ARHGAP18: variants seen among roughly 807,000 people sequenced by gnomAD.
The protein encoded by ARHGAP18 is Rho GTPase activating protein 18, also known as rho GTPase-activating protein 18.
Under a neutral mutation model 86.2 loss-of-function variants are expected in ARHGAP18, and 67 were observed. That is an observed-to-expected ratio of 0.78 (90% CI 0.64 to 0.95). The LOEUF is 0.95. ARHGAP18 is among the 40% of genes least tolerant of loss of function. ARHGAP18 has a pLI of 0.00. For missense variants in ARHGAP18, 691 were observed against 780.4 expected, an observed-to-expected ratio of 0.89 and a Z score of 1.37; for synonymous variants, 283 against 280.4, an observed-to-expected ratio of 1.01 and a Z score of -0.09.
At chr6:129,582,419 CTG>C (rs377275712) in intron 13 of ARHGAP18, among the ~76,000 whole-genome samples, 123 of 152,262 alleles carry the variant, frequency 8.1e-4, no homozygotes, top group African/African-American at 2.8e-3. Context: ...TGTAAATTAA[CTG>C]TGTCTGGCTG....
intron 5 of ARHGAP18, among the ~76,000 whole-genome samples, chr6:129,621,508 A>T (rs1199630686): frequency 6.6e-6 from 1 of 152,170 alleles, no homozygotes; most frequent in Non-Finnish European, 1.5e-5. Flanking sequence ...GAGTCAGACT[A>T]CAGGTGGCAA....
intron 5 of ARHGAP18, among the ~76,000 whole-genome samples, chr6:129,623,001 C>CAAAAAAA (rs1562694846): frequency 6.5e-5 from 1 of 15,404 alleles, no homozygotes. Context: ...AACTCCATCT[C>CAAAAAAA]AAAACAAAAA....
intron 1 of ARHGAP18, among the ~76,000 whole-genome samples, chr6:129,644,856 G>A (rs1278500377): frequency 6.6e-6 from 1 of 152,142 alleles, no homozygotes; most frequent in Non-Finnish European, 1.5e-5. Context: ...ATCAAGCCTT[G>A]CTTTCAAAAC....
At chr6:129,631,719 T>A (rs550619284) in intron 4 of ARHGAP18, among the ~76,000 whole-genome samples, 102 of 151,612 alleles carry the variant, frequency 6.7e-4, no homozygotes, top group East Asian at 1.9e-3. Flanking sequence ...CCTTAAAAAA[T>A]TTTTTTTAAC....
At chr6:129,683,121 G>T (rs1774354457) in intron 1 of ARHGAP18, among the ~76,000 whole-genome samples, 1 of 150,874 alleles carries the variant, frequency 6.6e-6, no homozygotes, top group Non-Finnish European at 1.5e-5. Flanking sequence ...ACCCAGGCTG[G>T]ACTGCAGTGG....
At chr6:129,630,881 G>A (rs1773190022) in intron 4 of ARHGAP18, among the ~76,000 whole-genome samples, 1 of 152,126 alleles carries the variant, frequency 6.6e-6, no homozygotes, top group African/African-American at 2.4e-5. Flanking sequence ...GAATCTCACA[G>A]TTAAGAAAGT....
At chr6:129,706,619 G>A (rs9375657) in intron 1 of ARHGAP18, among the ~76,000 whole-genome samples, 1 of 152,114 alleles carries the variant, frequency 6.6e-6, no homozygotes, top group African/African-American at 2.4e-5. Context: ...GGGTGCAGTG[G>A]CTCATGCCTG....
intron 14 of ARHGAP18, 142 bp from the exon 15 acceptor site, chr6:129,578,746 T>G (rs1788229905): frequency 1.8e-6 from 1 of 563,934 alleles, no homozygotes; most frequent in African/African-American, 1.9e-5. Flanking sequence ...GGCAGATTGG[T>G]TGAGATCAGG....
chr6:129,688,134 T>C (rs920693166), intron 1 of ARHGAP18, among the ~76,000 whole-genome samples: 1 of 152,172 alleles, frequency 6.6e-6, no homozygotes, highest in Non-Finnish European at 1.5e-5. Context: ...CCTCAACCTC[T>C]CGTTCCAGTC....
intron 1 of ARHGAP18, among the ~76,000 whole-genome samples, chr6:129,695,675 A>T (rs1774603362): frequency 6.6e-6 from 1 of 152,218 alleles, no homozygotes; most frequent in South Asian, 2.1e-4. Context: ...TTAGCAATTC[A>T]GTGATCTGAC....
At chr6:129,685,725 T>G (rs6569621) in intron 1 of ARHGAP18, among the ~76,000 whole-genome samples, 122,266 of 151,774 alleles carry the variant, frequency 0.81, 49,370 homozygotes, top group South Asian at 0.87. Flanking sequence ...TGATAGTTTT[T>G]TCCATATTCA....
At chr6:129,686,221 A>T (rs1774421810) in intron 1 of ARHGAP18, among the ~76,000 whole-genome samples, 1 of 152,112 alleles carries the variant, frequency 6.6e-6, no homozygotes, top group African/African-American at 2.4e-5. Context: ...GTACCAACAT[A>T]GTGTAAAATA....
intron 5 of ARHGAP18, among the ~76,000 whole-genome samples, chr6:129,622,323 C>A (rs1055637313): frequency 6.6e-6 from 1 of 152,096 alleles, no homozygotes; most frequent in Non-Finnish European, 1.5e-5. Flanking sequence ...AATGCTGAAC[C>A]AACCATATTT....
chr6:129,648,474 C>T (rs1562709890), intron 1 of ARHGAP18, among the ~76,000 whole-genome samples: 2 of 149,842 alleles, frequency 1.3e-5, no homozygotes, highest in Non-Finnish European at 3.0e-5. Context: ...AGTGCACTTT[C>T]TAAAATATGG....
intron 7 of ARHGAP18, among the ~76,000 whole-genome samples, chr6:129,615,276 T>C (rs1194979855): frequency 1.3e-5 from 2 of 152,206 alleles, no homozygotes; most frequent in Non-Finnish European, 2.9e-5. Context: ...TAGATACATG[T>C]TCTGCATGCA....
intron 1 of ARHGAP18, among the ~76,000 whole-genome samples, chr6:129,702,763 G>A (rs1024641754): frequency 2.0e-5 from 3 of 152,240 alleles, no homozygotes; most frequent in Non-Finnish European, 4.4e-5. Flanking sequence ...ACTTTGGGAG[G>A]CCTAGGCGGG....
At chr6:129,599,151 A>C (rs1377282232) in intron 12 of ARHGAP18, 65 bp downstream of exon 12, 1 of 1,296,946 alleles carries the variant, frequency 7.7e-7, no homozygotes, top group Non-Finnish European at 1.0e-6. Flanking sequence ...ACATTAAATA[A>C]AAAATTTTGG....
chr6:129,690,809 T>G (rs1774514788), intron 1 of ARHGAP18, among the ~76,000 whole-genome samples: 1 of 152,230 alleles, frequency 6.6e-6, no homozygotes, highest in Non-Finnish European at 1.5e-5. Flanking sequence ...CTTTCACAAT[T>G]TCAAATATTC....
At chr6:129,620,003 A>C (rs1789194728) in intron 5 of ARHGAP18, among the ~76,000 whole-genome samples, 1 of 152,114 alleles carries the variant, frequency 6.6e-6, no homozygotes, top group Admixed American at 6.5e-5. Flanking sequence ...CACTGAATTC[A>C]GAGGGCTATT....
Sources: gnomAD v4.1 joint callset for allele counts (sites outside exome capture counted in the v4.1 genomes callset) on GRCh38, gnomAD v4.1.1 for gene constraint, MANE v1.5 for transcripts, NCBI Gene and HGNC (gene_info 2026-07-23, HGNC 2026-07-21) for gene names.